The following ARHGAP26 variants were observed in gnomAD, a reference collection of about 807,000 sequenced individuals.
ARHGAP26 encodes the protein Rho GTPase activating protein 26.
In ARHGAP26, 38 loss-of-function variants were observed where a neutral mutation model predicts 104.8. The observed-to-expected ratio is 0.36, with a 90% CI of 0.28 to 0.48. The LOEUF is 0.48. ARHGAP26 is among the 20% of genes least tolerant of loss of function. The pLI is 0.99. For missense variants in ARHGAP26, 704 were observed against 947.9 expected, an observed-to-expected ratio of 0.74 and a Z score of 3.38; for synonymous variants, 341 against 340.0, an observed-to-expected ratio of 1.00 and a Z score of -0.03.
At chr5:143,071,357 C>G (rs955418945) in intron 17 of ARHGAP26, among the ~76,000 whole-genome samples, 2 of 152,122 alleles carry the variant, frequency 1.3e-5, no homozygotes, top group Non-Finnish European at 2.9e-5. Context: ...ACAAAGGTGC[C>G]AAGAATACTT....
At chr5:142,860,956 A>G (rs894599587) in intron 1 of ARHGAP26, among the ~76,000 whole-genome samples, 1 of 152,122 alleles carries the variant, frequency 6.6e-6, no homozygotes, top group African/African-American at 2.4e-5. Flanking sequence ...AGAGATTTTG[A>G]TTGAGGGTGG....
intron 1 of ARHGAP26, among the ~76,000 whole-genome samples, chr5:142,819,322 C>T (rs973848446): frequency 1.3e-5 from 2 of 148,334 alleles, no homozygotes; most frequent in Admixed American, 1.3e-4. Flanking sequence ...AGTGGGGAGT[C>T]TGGGCTGTGG....
intron 11 of ARHGAP26, among the ~76,000 whole-genome samples, chr5:142,986,285 G>T (rs376452373): frequency 0.023 from 3,560 of 152,176 alleles, 60 homozygotes; most frequent in Middle Eastern, 0.051. Flanking sequence ...TCATGTGTCT[G>T]TTGGCTGCAT....
chr5:143,209,887 G>T (rs1040804485), intron 21 of ARHGAP26, among the ~76,000 whole-genome samples: 1 of 152,122 alleles, frequency 6.6e-6, no homozygotes, highest in Non-Finnish European at 1.5e-5. Flanking sequence ...AACAGAGAGG[G>T]CCGAAACCTG....
chr5:143,203,638 C>T (rs1305861222), intron 20 of ARHGAP26: 1 of 152,206 alleles, frequency 6.6e-6, no homozygotes, highest in East Asian at 1.9e-4. Flanking sequence ...TTTATTGCAG[C>T]ACTGTTCACA....
chr5:143,034,679 A>C (rs1460742033), intron 12 of ARHGAP26, among the ~76,000 whole-genome samples: 1 of 152,190 alleles, frequency 6.6e-6, no homozygotes, highest in East Asian at 1.9e-4. Flanking sequence ...ACAGCTTTGT[A>C]AATACTCTAG....
chr5:143,043,069 A>G (rs1783710264), intron 14 of ARHGAP26, among the ~76,000 whole-genome samples: 1 of 152,224 alleles, frequency 6.6e-6, no homozygotes, highest in African/African-American at 2.4e-5. Context: ...TCTCCTCTAA[A>G]GGTAACATCT....
rs542282687 is a variant in ARHGAP26, at chr5:143,214,197, T to C, written c.2191+109T>C. 38 of 711,722 alleles carry C rather than the reference T, an allele frequency of 5.3e-5. 2 individuals carry two copies. The South Asian group carries it at 6.4e-4, about 12-fold the overall frequency. 44.1% of individuals were successfully genotyped at this position (711,722 alleles called of 1,614,324 possible). On this transcript the variant is annotated intron_variant, in intron 22 of 22. Transcript: ENST00000645722. Reference sequence around the variant, plus strand: ...CTCCCGAGGGAAAATCTCAATACAATGGGTAAGAAAAAAAGTGTGTGTGCG... The same window carrying C: ...CTCCCGAGGGAAAATCTCAATACAACGGGTAAGAAAAAAAGTGTGTGTGCG...
In ARHGAP26 at chr5:143,121,375, G is replaced by A. The variant is rs191534253; in HGVS notation, c.1698+228G>A. On this transcript the variant is annotated intron_variant, in intron 18 of 22. Coordinates refer to ENST00000645722, the MANE Select transcript of ARHGAP26 (RefSeq NM_001135608.3). ...AACAGCCATGGTTATGGTGGTGGCA[G>A]TGGTGGGTAAAATTGATTGAGCATT... is the stretch of plus-strand genomic sequence containing the variant. 7.5e-3 allele frequency among the ~76,000 whole-genome samples: 1,149 copies of A among 152,290 alleles called. 13 individuals carry two copies. Among genetic ancestry groups the A allele is most frequent in the Non-Finnish European group, 0.011 (770 of 68,022 alleles).
At chr5:143,111,091 A>G (rs1794724908) in intron 17 of ARHGAP26, among the ~76,000 whole-genome samples, 1 of 152,244 alleles carries the variant, frequency 6.6e-6, no homozygotes, top group Non-Finnish European at 1.5e-5. Context: ...AGTAATTCCC[A>G]TGACCCAGAT....
rs570268042 is a variant in ARHGAP26 at position 143,050,900 on chromosome 5, C to G, written c.1286-3539C>G. 1.7e-4 allele frequency among the ~76,000 whole-genome samples: 26 copies of G among 152,302 alleles called. 1 individual carries two copies. In the South Asian group the frequency reaches 5.2e-3, roughly 30 times the overall value. On this transcript the variant is annotated intron_variant, in intron 14 of 22. Transcript: ENST00000645722. ...AGCTCACCTCCTCTGCTCCAGCCAC[C>G]ATCACCTTTGCCTGTTGGGATGCTT...
intron 14 of ARHGAP26, among the ~76,000 whole-genome samples, chr5:143,043,924 A>T (rs1018438273): frequency 6.6e-6 from 1 of 152,226 alleles, no homozygotes; most frequent in Non-Finnish European, 1.5e-5. Flanking sequence ...CAAAGGGTCT[A>T]TGGTGGCTAC....
chr5:143,077,478 T>C (rs886790541), intron 17 of ARHGAP26, among the ~76,000 whole-genome samples: 1 of 152,148 alleles, frequency 6.6e-6, no homozygotes, highest in African/African-American at 2.4e-5. Context: ...AGGTCCTGCT[T>C]ATGATAAAAT....
intron 11 of ARHGAP26, among the ~76,000 whole-genome samples, chr5:142,963,194 A>ATGTGTGTG (rs1375363062): frequency 3.9e-5 from 4 of 102,680 alleles, no homozygotes; most frequent in African/African-American, 1.3e-4. Context: ...ATATATATAT[A>ATGTGTGTG]TATATGTGTG....
chr5:143,180,029 T>G (rs1048715252), intron 20 of ARHGAP26, among the ~76,000 whole-genome samples: 4 of 152,202 alleles, frequency 2.6e-5, no homozygotes, highest in Admixed American at 6.5e-5. Context: ...CTCTTGAAGT[T>G]TTCTGGACAT....
intron 11 of ARHGAP26, among the ~76,000 whole-genome samples, chr5:142,992,609 A>G (rs1173824594): frequency 3.3e-5 from 5 of 151,252 alleles, no homozygotes; most frequent in Admixed American, 3.3e-4. Flanking sequence ...TTGTATATTT[A>G]GTAGAGAAGG....
At chr5:143,211,521 C>G (rs1809457126) in intron 21 of ARHGAP26, among the ~76,000 whole-genome samples, 2 of 151,434 alleles carry the variant, frequency 1.3e-5, no homozygotes, top group South Asian at 4.2e-4. Context: ...TGCCTATCAA[C>G]TTGAGAAAAA....
At chr5:143,097,204 T>C (rs1419750887) in intron 17 of ARHGAP26, among the ~76,000 whole-genome samples, 1 of 151,332 alleles carries the variant, frequency 6.6e-6, no homozygotes, top group Non-Finnish European at 1.5e-5. Flanking sequence ...CTGGGCATGG[T>C]GGTGCGTGCC....
At chr5:143,091,484 C>T (rs751217426) in intron 17 of ARHGAP26, among the ~76,000 whole-genome samples, 4 of 152,210 alleles carry the variant, frequency 2.6e-5, no homozygotes, top group Non-Finnish European at 5.9e-5. Flanking sequence ...TACCTTTTTA[C>T]TGAGAAATTT....
Sources: allele counts gnomAD v4.1 joint callset (sites outside exome capture counted in the v4.1 genomes callset), GRCh38; gene constraint gnomAD v4.1.1; transcripts MANE v1.5; gene names NCBI Gene and HGNC (gene_info 2026-07-23, HGNC 2026-07-21).